PRSS3: variants seen among roughly 807,000 people sequenced by gnomAD.
The protein encoded by PRSS3 is serine protease 3.
Under a neutral mutation model 20.8 loss-of-function variants are expected in PRSS3, and 14 were observed. The observed-to-expected ratio is 0.67, with a 90% CI of 0.44 to 1.05. The LOEUF is 1.05. PRSS3 is among the 50% of genes least tolerant of loss of function. PRSS3 has a pLI of 0.00. For missense variants in PRSS3, 237 were observed against 306.4 expected, an observed-to-expected ratio of 0.77 and a Z score of 1.69; for synonymous variants, 91 against 117.6, an observed-to-expected ratio of 0.77 and a Z score of 1.46.
chr9:33,757,643 C>A (rs1272595006), intron 1 of PRSS3, among the ~76,000 whole-genome samples: 1 of 152,170 alleles, frequency 6.6e-6, no homozygotes, highest in East Asian at 1.9e-4. Context: ...GCGACTTCAA[C>A]AAAGACTGCA....
intron 1 of PRSS3, among the ~76,000 whole-genome samples, chr9:33,779,491 C>T (rs1824082808): frequency 6.6e-6 from 1 of 152,120 alleles, no homozygotes; most frequent in South Asian, 2.1e-4. Context: ...GCAGAACAGA[C>T]CAAGCTGAGG....
intron 1 of PRSS3, among the ~76,000 whole-genome samples, chr9:33,789,614 G>A (rs1387520029): frequency 2.0e-5 from 3 of 151,960 alleles, no homozygotes; most frequent in Admixed American, 6.6e-5. Flanking sequence ...CAGTTTCCAC[G>A]TGTACTAATT....
chr9:33,790,385 T>C (rs1222370885), intron 1 of PRSS3, among the ~76,000 whole-genome samples: 1 of 152,230 alleles, frequency 6.6e-6, no homozygotes, highest in Non-Finnish European at 1.5e-5. Flanking sequence ...TCAAAACCCA[T>C]GACAAGGTAT....
chr9:33,798,778 A>T lies in PRSS3; in HGVS notation c.591+156A>T, dbSNP rs1825169477. On this transcript the variant is annotated intron_variant, in intron 4 of 4. Transcript: ENST00000379405. ...TGGCGGGGCTGAGGCGGCTCCCTGC[A>T]TTGCCCCCATGGAGAAACGAGGAAG... 1.7e-5 allele frequency: 22 copies of T among 1,278,302 alleles called. No individual in the cohort carries two copies. In the East Asian group the frequency reaches 4.9e-4, roughly 28 times the overall value. The allele number at this position is 1,278,302 out of a possible 1,614,324, so 79.2% of individuals were successfully genotyped here.
At chr9:33,792,337 TA>T (rs142060585), upstream of PRSS3, among the ~76,000 whole-genome samples, 9,197 of 148,402 alleles carry the variant, frequency 0.062, 385 homozygotes, top group Non-Finnish European at 0.092. Flanking sequence ...AAGAAAGTGT[TA>T]AAAAAAAAAG....
At chr9:33,786,480 G>T in intron 1 of PRSS3, 1 of 730,830 alleles carries the variant, frequency 1.4e-6, no homozygotes, top group South Asian at 1.5e-5. Flanking sequence ...AGACTTTCCC[G>T]TCTGACCCCA....
chr9:33,791,058 A>C (rs1452625947), upstream of PRSS3, among the ~76,000 whole-genome samples: 1 of 152,222 alleles, frequency 6.6e-6, no homozygotes, highest in Non-Finnish European at 1.5e-5. Context: ...GAAAAGATTA[A>C]AGGACACAAA....
upstream of PRSS3, chr9:33,795,432 C>G (rs1192538246): frequency 2.5e-6 from 3 of 1,207,560 alleles, no homozygotes; most frequent in Admixed American, 1.9e-5. Context: ...CGAGCTGATG[C>G]AAGACCCTGG....
In PRSS3 at chr9:33,796,537, A is replaced by G; in HGVS notation, c.41-106A>G. On this transcript the variant is annotated intron_variant, in intron 1 of 4. Coordinates refer to ENST00000379405, the MANE Select transcript of PRSS3 (RefSeq NM_002771.4). ...AGCGCTCCCTCCCTTGCCTGGCCTCACTGGGCTTGTTAAGGATTTCTAATT... is the reference window on the plus strand; with the variant it reads ...AGCGCTCCCTCCCTTGCCTGGCCTCGCTGGGCTTGTTAAGGATTTCTAATT... 2.7e-6 allele frequency: 4 copies of G among 1,488,656 alleles called. No individual in the cohort carries two copies. In the South Asian group the frequency reaches 3.6e-5, roughly 14 times the overall value. 92.2% of individuals were successfully genotyped at this position (1,488,656 alleles called of 1,614,324 possible).
intron 1 of PRSS3, among the ~76,000 whole-genome samples, chr9:33,768,793 T>G (rs1458694750): frequency 2.0e-5 from 3 of 151,314 alleles, no homozygotes; most frequent in African/African-American, 2.4e-5. Flanking sequence ...GGGGCAGAGG[T>G]TGCAGTGAGC....
chr9:33,787,914 C>A (rs1281712593), intron 1 of PRSS3, among the ~76,000 whole-genome samples: 1 of 152,136 alleles, frequency 6.6e-6, no homozygotes, highest in East Asian at 1.9e-4. Flanking sequence ...CAAGGGAAAA[C>A]AGAGGCCTAA....
intron 1 of PRSS3, among the ~76,000 whole-genome samples, chr9:33,789,868 A>G (rs1339175670): frequency 6.6e-6 from 1 of 152,218 alleles, no homozygotes; most frequent in Non-Finnish European, 1.5e-5. Context: ...TTCTTCTTTA[A>G]CACTAGGTGT....
At chr9:33,790,707 C>G (rs1290461426), upstream of PRSS3, among the ~76,000 whole-genome samples, 3 of 152,214 alleles carry the variant, frequency 2.0e-5, no homozygotes, top group East Asian at 5.8e-4. Flanking sequence ...CTCACATGTG[C>G]ATAAATGCAT....
At position 33,764,469 on chromosome 9, in the gene PRSS3, G is replaced by A. The variant is rs1032672717; in HGVS notation, c.-53+13742G>A. On this transcript the variant is annotated intron_variant, in intron 1 of 5. Coordinates refer to the PRSS3 transcript ENST00000342836. The stretch of plus-strand genomic sequence containing the variant: ...AATCGCTTGAATGTAGGAGGCGAAG[G>A]TTGCAGTGAGCCGAGATTGCACCAT... 2.0e-5 allele frequency among the ~76,000 whole-genome samples: 3 copies of A among 152,278 alleles called. No individual in the cohort carries two copies. The South Asian group carries it at 6.2e-4, about 32-fold the overall frequency.
chr9:33,785,541 A>T (rs1824366298), intron 1 of PRSS3, among the ~76,000 whole-genome samples: 2 of 152,248 alleles, frequency 1.3e-5, no homozygotes, highest in Admixed American at 6.5e-5. Context: ...GAATTAGAAT[A>T]GAAGAAACCA....
At chr9:33,763,685 C>T (rs1209093782) in intron 1 of PRSS3, among the ~76,000 whole-genome samples, 2 of 126,682 alleles carry the variant, frequency 1.6e-5, no homozygotes, top group South Asian at 2.5e-4. Flanking sequence ...GGCGAAAGAG[C>T]GAGACTCTGT....
chr9:33,751,152 G>T (rs116045195), intron 1 of PRSS3, among the ~76,000 whole-genome samples: 4,779 of 152,294 alleles, frequency 0.031, 250 homozygotes, highest in African/African-American at 0.11. Context: ...GTCCGGGAAC[G>T]CGCGCCCCCG....
chr9:33,785,786 T>C (rs1824378977), intron 1 of PRSS3, among the ~76,000 whole-genome samples: 1 of 152,232 alleles, frequency 6.6e-6, no homozygotes, highest in African/African-American at 2.4e-5. Context: ...GGTGTGTGTA[T>C]GTGTTGGGGG....
intron 1 of PRSS3, among the ~76,000 whole-genome samples, chr9:33,753,689 T>C (rs1007975575): frequency 1.3e-5 from 2 of 152,228 alleles, no homozygotes; most frequent in Non-Finnish European, 2.9e-5. Context: ...GTCTTATTCC[T>C]AGCACAGTGC....
Sources: allele counts gnomAD v4.1 joint callset (sites outside exome capture counted in the v4.1 genomes callset), GRCh38; gene constraint gnomAD v4.1.1; transcripts MANE v1.5; gene names NCBI Gene and HGNC (gene_info 2026-07-23, HGNC 2026-07-21).